Variants in SHANK2 observed in about 807,000 individuals in gnomAD.
SHANK2 encodes the protein SH3 and multiple ankyrin repeat domains 2.
A neutral mutation model predicts 133.7 loss-of-function variants in SHANK2; 43 were observed. The observed-to-expected ratio is 0.32, with a 90% CI of 0.25 to 0.41. The LOEUF is 0.41. Ranked by LOEUF, SHANK2 falls within the 10% of genes least tolerant of loss-of-function variation. SHANK2 has a pLI of 1.00. For missense variants in SHANK2, 1,994 were observed against 2,235.8 expected (o/e 0.89, Z 2.18); for synonymous variants, 1,017 against 952.8 (o/e 1.07, Z -1.24).
chr11:71,203,667 G>A (rs1372349784), intron 2 of SHANK2, among the ~76,000 whole-genome samples: 1 of 152,204 alleles, frequency 6.6e-6, no homozygotes, highest in African/African-American at 2.4e-5. Context: ...TGAGCCCTGG[G>A]AATATCCTGT....
intron 17 of SHANK2, among the ~76,000 whole-genome samples, chr11:70,577,633 G>C (rs1327777988): frequency 2.6e-5 from 4 of 152,140 alleles, no homozygotes; most frequent in Non-Finnish European, 5.9e-5. Flanking sequence ...GATTTGAGGG[G>C]CCAGGACTGG....
chr11:70,896,675 C>T, intron 10 of SHANK2, 108 bp from the exon 11 acceptor site: 2 of 643,454 alleles, frequency 3.1e-6, no homozygotes, highest in Non-Finnish European at 5.7e-6. Context: ...CCAATCAGAA[C>T]CTTTAAAATG....
intron 14 of SHANK2, among the ~76,000 whole-genome samples, chr11:70,793,003 C>A (rs570922180): frequency 6.6e-6 from 1 of 152,060 alleles, no homozygotes; most frequent in African/African-American, 2.4e-5. Context: ...ATGTAATGAG[C>A]CCTGATGGCA....
intron 10 of SHANK2, among the ~76,000 whole-genome samples, chr11:70,950,377 G>A (rs1415020047): frequency 1.3e-5 from 2 of 152,016 alleles, no homozygotes; most frequent in African/African-American, 2.4e-5. Context: ...TTTTAGTAGC[G>A]ACAGGGTATC....
chr11:70,881,619 G>T (rs1949662565), intron 11 of SHANK2, among the ~76,000 whole-genome samples: 1 of 150,458 alleles, frequency 6.6e-6, no homozygotes, highest in Admixed American at 6.7e-5. Flanking sequence ...CAGGGGGCTT[G>T]GATTGTCCTC....
intron 25 of SHANK2, among the ~76,000 whole-genome samples, chr11:70,484,704 A>G (rs1279770324): frequency 1.3e-5 from 2 of 152,158 alleles, no homozygotes; most frequent in African/African-American, 4.8e-5. Flanking sequence ...CAATACTGTG[A>G]AGGGCTGACA....
chr11:71,186,597 C>T (rs963989345), intron 2 of SHANK2, among the ~76,000 whole-genome samples: 2 of 152,194 alleles, frequency 1.3e-5, no homozygotes, highest in Non-Finnish European at 2.9e-5. Context: ...CACGGACACT[C>T]GTACCTTAGA....
chr11:70,906,595 G>A (rs1321353590), intron 10 of SHANK2, among the ~76,000 whole-genome samples: 1 of 152,152 alleles, frequency 6.6e-6, no homozygotes, highest in Non-Finnish European at 1.5e-5. Context: ...CGCCATAACT[G>A]GAAAATGGCT....
chr11:70,658,200 GC>G (rs202207297), intron 17 of SHANK2, among the ~76,000 whole-genome samples: 8 of 95,966 alleles, frequency 8.3e-5, no homozygotes, highest in African/African-American at 2.5e-4. Flanking sequence ...CCAAGGCCAC[GC>G]CCCCCCAACA....
chr11:70,486,809 C>T lies in SHANK2; in HGVS notation c.3484G>A (p.Glu1162Lys), dbSNP rs782464725. The T allele has an allele frequency of 5.6e-6, 9 of 1,612,326 alleles. No individual in the cohort carries two copies. The highest frequency in any genetic ancestry group is 7.6e-6 in the Non-Finnish European group (9 of 1,179,922). ...EPENHFVGGA[E>K]ASAPGEAGRP... The stretch of plus-strand genomic sequence containing the variant: ...CCAGCCTCACCCGGAGCACTGGCCT[C>T]GGCGCCACCCACGAAATGGTTTTCG... The change falls in exon 25 of 26, where the codon GAG becomes AAG. Residue 1162 changes from glutamate to lysine, a missense_variant. By Grantham distance (56) the Glu-to-Lys change is moderately conservative. This residue lies in a region of SHANK2 where 797 missense variants were observed against 907.4 expected (regional missense o/e 0.88). Coordinates refer to ENST00000601538, the MANE Select transcript of SHANK2 (RefSeq NM_012309.5). This position sits in a 1 kb window ranked among gnomAD's most constrained non-coding sequence, Gnocchi z 8.0.
intron 14 of SHANK2, among the ~76,000 whole-genome samples, chr11:70,759,189 A>C (rs200041971): frequency 3.5e-4 from 32 of 91,576 alleles, no homozygotes; most frequent in Admixed American, 1.1e-3. Context: ...CCAAACCAAA[A>C]CAAAACAAAA....
chr11:70,827,000 A>T (rs3017498), intron 11 of SHANK2, among the ~76,000 whole-genome samples: 149,729 of 152,314 alleles, frequency 0.98, 73,646 homozygotes, highest in East Asian at 1. Flanking sequence ...TTAAAAAAAA[A>T]TTTTTTTAAA....
rs930870180 is a variant in SHANK2 at position 70,830,174 on chromosome 11, C to T, written c.1175-9492G>A. ...TCCAGGGCAGTTTTCATCTGGTGTC[C>T]CCATCCCTGCCTTTCTGGGGGAATA... On this transcript the variant is annotated intron_variant, in intron 11 of 25. Transcript: ENST00000601538. This position sits in a 1 kb window ranked among gnomAD's most constrained non-coding sequence, Gnocchi z 4.4. Among the ~76,000 whole-genome samples, 1 of 152,180 alleles carries T rather than the reference C, an allele frequency of 6.6e-6. No individual in the cohort carries two copies. The highest frequency in any genetic ancestry group is 1.9e-4 in the East Asian group (1 of 5,188).
intron 3 of SHANK2, among the ~76,000 whole-genome samples, chr11:71,142,904 AAAC>A (rs1177731141): frequency 6.6e-6 from 1 of 152,166 alleles, no homozygotes; most frequent in Middle Eastern, 3.2e-3. Context: ...GAAGACAATC[AAAC>A]AACATCCCCA....
rs912356375 is a variant in SHANK2, at chr11:71,061,907, A to G, written c.1030-5349T>C. On this transcript the variant is annotated intron_variant, in intron 9 of 25. Coordinates refer to ENST00000601538, the MANE Select transcript of SHANK2 (RefSeq NM_012309.5). Reference sequence around the variant, plus strand: ...GCCCTGTGTCCTGATCATGAGCCCAAAATTTCCCGTCAAATCACCCCCAGT... The same window carrying G: ...GCCCTGTGTCCTGATCATGAGCCCAGAATTTCCCGTCAAATCACCCCCAGT... Among the ~76,000 whole-genome samples the G allele has an allele frequency of 4.9e-4, 75 of 151,742 alleles. 1 individual carries two copies. The highest frequency in any genetic ancestry group is 4.3e-3 in the Admixed American group (65 of 15,238).
chr11:70,543,605 T>C (rs78401216), intron 17 of SHANK2, among the ~76,000 whole-genome samples: 2,181 of 152,334 alleles, frequency 0.014, 53 homozygotes, highest in African/African-American at 0.049. Context: ...CGCCTTCCCC[T>C]GTACCTCACC....
intron 14 of SHANK2, among the ~76,000 whole-genome samples, chr11:70,744,388 C>T (rs1264798855): frequency 1.3e-5 from 2 of 152,192 alleles, no homozygotes; most frequent in Non-Finnish European, 2.9e-5. Flanking sequence ...CCTTCCTCAC[C>T]TCTAAGCACC....
At chr11:70,802,965 G>A (rs1948078993) in intron 13 of SHANK2, among the ~76,000 whole-genome samples, 1 of 152,184 alleles carries the variant, frequency 6.6e-6, no homozygotes. Flanking sequence ...CGCTCACTGT[G>A]CTACGTGCTG....
intron 15 of SHANK2, among the ~76,000 whole-genome samples, chr11:70,681,175 G>A (rs185145614): frequency 1.1e-3 from 162 of 152,230 alleles, no homozygotes; most frequent in Non-Finnish European, 1.6e-3. Context: ...AGCACACAGC[G>A]GCACCGGCTC....
Sources: gnomAD v4.1 joint callset for allele counts (sites outside exome capture counted in the v4.1 genomes callset) on GRCh38, gnomAD v4.1.1 for gene constraint, gnomAD v4.1.1 regional missense constraint, Gnocchi (gnomAD v3.1) non-coding constraint, MANE v1.5 for transcripts, NCBI Gene and HGNC (gene_info 2026-07-23, HGNC 2026-07-21) for gene names.